CYP4Z1: variants seen among roughly 807,000 people sequenced by gnomAD.
CYP4Z1 encodes cytochrome P450 4Z1.
In CYP4Z1, 41 loss-of-function variants were observed where a neutral mutation model predicts 54.2. That is an observed-to-expected ratio of 0.76 (90% CI 0.59 to 0.98). The LOEUF (loss-of-function observed/expected upper bound fraction) is 0.98. Ranked by LOEUF, CYP4Z1 falls within the 50% of genes least tolerant of loss-of-function variation. The pLI, the probability that CYP4Z1 is intolerant of heterozygous loss-of-function variation, is 0.00. For missense variants in CYP4Z1, 513 were observed against 599.0 expected, an observed-to-expected ratio of 0.86 and a Z score of 1.50; for synonymous variants, 163 against 206.2, an observed-to-expected ratio of 0.79 and a Z score of 1.79.
chr1:47,106,870 A>G (rs1644761007), intron 9 of CYP4Z1, among the ~76,000 whole-genome samples: 1 of 152,256 alleles, frequency 6.6e-6, no homozygotes, highest in Non-Finnish European at 1.5e-5. Flanking sequence ...ACATTGGTGG[A>G]ATGCAAGATG....
chr1:47,115,389 A>G lies in CYP4Z1; in HGVS notation c.1202-140A>G. ...TGCAGCACACCAACATGGCACATGT[A>G]TACATATGTAACAAACCTTCATGTT... On this transcript the variant is annotated intron_variant, in intron 9 of 11. Coordinates refer to ENST00000334194, the MANE Select transcript of CYP4Z1 (RefSeq NM_178134.3). 4.4e-6 allele frequency: 3 copies of G among 684,086 alleles called. No homozygotes were observed. In the South Asian group the frequency reaches 5.0e-5, roughly 11 times the overall value. 42.4% of individuals were successfully genotyped at this position (684,086 alleles called of 1,614,324 possible). A position where few individuals can be genotyped will look rare whatever the true frequency, so the allele number is the denominator to read the frequency against.
Position 47,067,599 on chromosome 1 carries a change from A to G in CYP4Z1, c.109A>G (p.Arg37Gly). Residue 37 changes from arginine to glycine, a missense_variant, in exon 1 of 12, where the codon AGA (arginine) becomes GGA (glycine). Coordinates refer to ENST00000334194, the MANE Select transcript of CYP4Z1 (RefSeq NM_178134.3). ...FQVIRLYQRR[R>G]WMIRALHLFP... ...GGTAATCAGGTTGTACCAGAGGAGG[A>G]GATGGATGATCAGAGCCCTGCACCT... is the stretch of plus-strand genomic sequence containing the variant. The G allele has an allele frequency of 6.2e-7, 1 of 1,613,508 alleles. No homozygotes were observed. Among genetic ancestry groups the G allele is most frequent in the Non-Finnish European group, 8.5e-7 (1 of 1,179,716 alleles).
intron 7 of CYP4Z1, among the ~76,000 whole-genome samples, 156 bp downstream of exon 7, chr1:47,094,825 T>C (rs1340338744): frequency 1.3e-5 from 2 of 151,976 alleles, no homozygotes; most frequent in Admixed American, 1.3e-4. Context: ...CTGGCCAACA[T>C]AGTGAAACCT....
chr1:47,107,708 C>T (rs1275167906), intron 9 of CYP4Z1, among the ~76,000 whole-genome samples: 3 of 152,068 alleles, frequency 2.0e-5, no homozygotes, highest in Non-Finnish European at 4.4e-5. Context: ...TCTCTACTTC[C>T]ATTCTAGATC....
At chr1:47,106,372 G>T in intron 9 of CYP4Z1, 111 bp downstream of exon 9, 1 of 1,296,426 alleles carries the variant, frequency 7.7e-7, no homozygotes, top group Non-Finnish European at 1.0e-6. Flanking sequence ...TGGAACCTAG[G>T]GCCATTCTTA....
chr1:47,087,585 A>G (rs1046787040), intron 6 of CYP4Z1, among the ~76,000 whole-genome samples: 1 of 152,150 alleles, frequency 6.6e-6, no homozygotes, highest in Admixed American at 6.5e-5. Context: ...CAGCTTAAGG[A>G]GATTTTGGGC....
rs368380182 is a variant in CYP4Z1, at chr1:47,067,522, C to T, written c.32C>T (p.Ala11Val). The T allele has an allele frequency of 6.2e-7, 1 of 1,612,346 alleles. No individual in the cohort carries two copies. The highest frequency in any genetic ancestry group is 1.3e-5 in the African/African-American group (1 of 74,992). The change falls in exon 1 of 12, where the codon GCT (alanine) becomes GTT (valine). Residue 11 changes from alanine to valine, a missense_variant. Coordinates refer to ENST00000334194, the MANE Select transcript of CYP4Z1 (RefSeq NM_178134.3). MEPSWLQELM[A>V]HPFLLLILLC... The stretch of plus-strand genomic sequence containing the variant: ...CCCTCCTGGCTTCAGGAACTCATGG[C>T]TCACCCCTTCTTGCTGCTGATCCTC...
chr1:47,082,120 T>A (rs1644559097), intron 3 of CYP4Z1, among the ~76,000 whole-genome samples: 1 of 151,796 alleles, frequency 6.6e-6, no homozygotes, highest in Admixed American at 6.6e-5. Context: ...TAGGATAGGA[T>A]GGACCTTTTT....
Position 47,110,845 on chromosome 1 carries a change from G to A in CYP4Z1, c.1201+4584G>A, listed in dbSNP as rs180876870. On this transcript the variant is annotated intron_variant, in intron 9 of 11. Transcript: ENST00000334194. Reference sequence around the variant, plus strand: ...GAGAGTTAAATAACATTGGGTTTTTGAAGCTCTAAACTTCAAAATCTCTGA... The same window carrying A: ...GAGAGTTAAATAACATTGGGTTTTTAAAGCTCTAAACTTCAAAATCTCTGA... 4.7e-3 allele frequency among the ~76,000 whole-genome samples: 717 copies of A among 151,496 alleles called. 6 individuals carry two copies. Among genetic ancestry groups the A allele is most frequent in the Non-Finnish European group, 5.8e-3 (391 of 67,928 alleles).
chr1:47,058,677 C>T, the CYP4Z1 span, among the ~76,000 whole-genome samples: 1 of 152,036 alleles, frequency 6.6e-6, no homozygotes, highest in Admixed American at 6.6e-5. Flanking sequence ...CACCTGTAAA[C>T]ACATGTATAT....
At chr1:47,112,457 G>C (rs1046719031) in intron 9 of CYP4Z1, among the ~76,000 whole-genome samples, 1 of 152,078 alleles carries the variant, frequency 6.6e-6, no homozygotes, top group African/African-American at 2.4e-5. Flanking sequence ...ACTTAAAGTT[G>C]TCCAGAGCAT....
At chr1:47,112,248 A>G (rs1306715592) in intron 9 of CYP4Z1, among the ~76,000 whole-genome samples, 1 of 152,134 alleles carries the variant, frequency 6.6e-6, no homozygotes, top group East Asian at 1.9e-4. Context: ...ATGCACAGAG[A>G]CTTGAAAAAC....
chr1:47,099,557 C>A (rs1238937842), intron 8 of CYP4Z1, among the ~76,000 whole-genome samples: 1 of 152,062 alleles, frequency 6.6e-6, no homozygotes, highest in Admixed American at 6.6e-5. Flanking sequence ...GTCTGCCTAC[C>A]TTTTTTATGT....
intron 9 of CYP4Z1, among the ~76,000 whole-genome samples, chr1:47,114,563 A>C (rs1644816056): frequency 6.6e-6 from 1 of 152,234 alleles, no homozygotes; most frequent in African/African-American, 2.4e-5. Flanking sequence ...AAGGGCTAAC[A>C]TCCAGAATCT....
intron 6 of CYP4Z1, among the ~76,000 whole-genome samples, chr1:47,092,156 G>T (rs913825661): frequency 6.6e-6 from 1 of 151,882 alleles, no homozygotes; most frequent in Non-Finnish European, 1.5e-5. Context: ...ACAGGGTCAC[G>T]CTGGCTTTGT....
Position 47,068,655 on chromosome 1 carries a change from A to G in CYP4Z1, c.211A>G (p.Lys71Glu), listed in dbSNP as rs779877978. ...AGTAAAGGAGTTTGAGGTGTATCAT[A>G]AGCTGATGGAAAAATACCCATGTGC... ...YPVKEFEVYH[K>E]LMEKYPCAVP... The change falls in exon 2 of 12, where the codon AAG (lysine) becomes GAG (glutamate). Residue 71 changes from lysine (K) to glutamate (E), a missense_variant. Physicochemically the swap from Lys to Glu is moderately conservative, Grantham distance 56 (BLOSUM62 1). Transcript: ENST00000334194. 6.2e-6 allele frequency: 10 copies of G among 1,614,016 alleles called. No individual in the cohort carries two copies. In the African/African-American group the frequency reaches 6.7e-5, roughly 11 times the overall value.
chr1:47,116,878 T>C, intron 11 of CYP4Z1, 146 bp downstream of exon 11: 1 of 588,022 alleles, frequency 1.7e-6, no homozygotes, highest in Non-Finnish European at 3.0e-6. Context: ...GACCAGTGCA[T>C]TTAGTTGGTA....
At chr1:47,061,071 G>A in the CYP4Z1 span, among the ~76,000 whole-genome samples, 1 of 152,116 alleles carries the variant, frequency 6.6e-6, no homozygotes, top group Non-Finnish European at 1.5e-5. Context: ...GAAGTTCATA[G>A]CATTAAATGC....
At chr1:47,096,633 T>A (rs1373386878) in intron 7 of CYP4Z1, 1 of 148,498 alleles carries the variant, frequency 6.7e-6, no homozygotes, top group Non-Finnish European at 1.5e-5. Context: ...GCTCTTCTTT[T>A]TTTTTTTTTT....
Sources: gnomAD v4.1 joint callset for allele counts (sites outside exome capture counted in the v4.1 genomes callset) on GRCh38, gnomAD v4.1.1 for gene constraint, MANE v1.5 for transcripts, NCBI Gene and HGNC (gene_info 2026-07-23, HGNC 2026-07-21) for gene names.